The following ERGIC1 variants were observed in gnomAD, a reference collection of about 807,000 sequenced individuals.
ERGIC1 encodes the protein endoplasmic reticulum-Golgi intermediate compartment protein 1.
Under a neutral mutation model 38.3 loss-of-function variants are expected in ERGIC1, and 19 were observed. The observed-to-expected ratio is 0.50, with a 90% CI of 0.35 to 0.73. The LOEUF is 0.73. Among genes scored for constraint, ERGIC1 ranks in the 30% least tolerant of loss-of-function variants. The pLI, the probability that ERGIC1 is intolerant of heterozygous loss-of-function variation, is 0.01. For synonymous variants in ERGIC1, 124 were observed against 157.6 expected (o/e 0.79, Z 1.60); for missense variants, 294 against 389.2 (o/e 0.76, Z 2.06).
chr5:172,935,056 G>A, intron 8 of ERGIC1, 132 bp from the exon 9 acceptor site: 1 of 1,304,964 alleles, frequency 7.7e-7, no homozygotes, highest in Non-Finnish European at 1.1e-6. Context: ...AGGGAGTGGG[G>A]GAGTCTGGCT....
In ERGIC1 at chr5:172,896,953, G is replaced by A. The variant is rs368831062; in HGVS notation, c.83-49G>A. On this transcript the variant is annotated intron_variant, in intron 2 of 9. Coordinates refer to ENST00000393784, the MANE Select transcript of ERGIC1 (RefSeq NM_001031711.3). ...CTTCCCTCTAGGCTGGTCTCCCTTC[G>A]TCAGTGCCCACCACCCTTAACAGTT... 1.2e-3 allele frequency: 1,869 copies of A among 1,579,082 alleles called. 1 individual carries two copies. The highest frequency in any genetic ancestry group is 1.5e-3 in the Non-Finnish European group (1,689 of 1,148,778).
chr5:172,914,002 A>G (rs1763275901), intron 4 of ERGIC1, among the ~76,000 whole-genome samples: 1 of 152,160 alleles, frequency 6.6e-6, no homozygotes, highest in Non-Finnish European at 1.5e-5. Flanking sequence ...TGGGAGGCTG[A>G]GGCAGGTGGA....
At chr5:172,943,750 G>C (rs978435879) in intron 9 of ERGIC1, among the ~76,000 whole-genome samples, 8 of 152,184 alleles carry the variant, frequency 5.3e-5, no homozygotes, top group African/African-American at 1.9e-4. Flanking sequence ...CGCCTCCCAC[G>C]GCGGTGTGTA....
intron 9 of ERGIC1, among the ~76,000 whole-genome samples, chr5:172,941,006 C>T (rs780987535): frequency 1.3e-5 from 2 of 152,184 alleles, no homozygotes; most frequent in Non-Finnish European, 2.9e-5. Flanking sequence ...CAGCTGGGCG[C>T]GGTGGCTTAC....
intron 1 of ERGIC1, among the ~76,000 whole-genome samples, chr5:172,876,149 A>C (rs888194683): frequency 4.6e-5 from 7 of 152,182 alleles, no homozygotes; most frequent in Non-Finnish European, 1.0e-4. Context: ...CAGATGGATC[A>C]CTGCGTTCAG....
At chr5:172,921,291 C>T (rs947352811) in intron 5 of ERGIC1, among the ~76,000 whole-genome samples, 15 of 152,252 alleles carry the variant, frequency 9.9e-5, no homozygotes, top group African/African-American at 3.4e-4. Flanking sequence ...TATTGGGTCC[C>T]TGAAGCAGGC....
chr5:172,901,596 T>G (rs777372830), intron 3 of ERGIC1, among the ~76,000 whole-genome samples: 36 of 152,046 alleles, frequency 2.4e-4, no homozygotes, highest in Non-Finnish European at 7.4e-5. Flanking sequence ...TTATTTTTAT[T>G]TTTATTTTTT....
intron 5 of ERGIC1, chr5:172,915,197 T>G: frequency 1.6e-6 from 1 of 611,190 alleles, no homozygotes; most frequent in Non-Finnish European, 2.9e-6. Flanking sequence ...GAGGGTGTGA[T>G]GGCGATAATA....
At chr5:172,889,186 A>C (rs1319932128) in intron 2 of ERGIC1, among the ~76,000 whole-genome samples, 1 of 152,066 alleles carries the variant, frequency 6.6e-6, no homozygotes, top group African/African-American at 2.4e-5. Flanking sequence ...CGGGAGGCTG[A>C]GGCAGGAGAA....
intron 9 of ERGIC1, among the ~76,000 whole-genome samples, chr5:172,950,232 G>C (rs1372439683): frequency 6.6e-6 from 1 of 152,124 alleles, no homozygotes; most frequent in Non-Finnish European, 1.5e-5. Context: ...GTGACCTTGG[G>C]CCCCTGGGAC....
At chr5:172,843,503 C>A (rs992303380) in intron 1 of ERGIC1, among the ~76,000 whole-genome samples, 3 of 152,230 alleles carry the variant, frequency 2.0e-5, no homozygotes, top group Admixed American at 2.0e-4. Flanking sequence ...ATAGAATTAC[C>A]TAAAGTATCC....
intron 9 of ERGIC1, chr5:172,935,601 G>A: frequency 3.0e-6 from 1 of 330,464 alleles, no homozygotes; most frequent in East Asian, 4.8e-5. Context: ...AGATGTTTAG[G>A]ATTTTCTCCA....
At chr5:172,898,163 A>G (rs1762772174) in intron 3 of ERGIC1, 1 of 336,606 alleles carries the variant, frequency 3.0e-6, no homozygotes, top group Admixed American at 4.8e-5. Flanking sequence ...CTTTTTCACT[A>G]ATGGGATTTC....
chr5:172,909,697 C>G lies in ERGIC1; in HGVS notation c.186C>G (p.Asp62Glu), dbSNP rs1398374631. 2 of 1,614,110 alleles carry G rather than the reference C, an allele frequency of 1.2e-6. No individual in the cohort carries two copies. The highest frequency in any genetic ancestry group is 8.5e-7 in the Non-Finnish European group (1 of 1,180,046). ...VVNELYVDDP[D>E]KDSGGKIDVS... ...ACGAGCTCTATGTCGATGACCCAGA[C>G]AAGGACAGCGGTGGCAAGATCGACG... Residue 62 changes from aspartate to glutamate, a missense_variant, in exon 4 of 10, where the codon GAC becomes GAG. Asp to Glu is a conservative substitution (Grantham distance 45). Around this residue, in one of 3 missense-constraint regions of ERGIC1, gnomAD observed 163 missense variants for 225.8 expected, o/e 0.72. Transcript: ENST00000393784.
intron 4 of ERGIC1, among the ~76,000 whole-genome samples, chr5:172,911,759 C>T (rs1763213135): frequency 6.6e-6 from 1 of 152,156 alleles, no homozygotes. Context: ...ATCTCATATC[C>T]TGCTTTTAAA....
intron 2 of ERGIC1, among the ~76,000 whole-genome samples, chr5:172,893,905 A>ATATATATATATATCTGTG: frequency 6.4e-5 from 1 of 15,544 alleles, no homozygotes; most frequent in South Asian, 5.6e-3. Context: ...ATATATATAT[A>ATATATATATATATCTGTG]TGTGTGTGTG....
In ERGIC1 at chr5:172,938,273, C is replaced by G. The variant is rs371096973; in HGVS notation, c.765+2963C>G. Among the ~76,000 whole-genome samples, 50 of 152,330 alleles carry G rather than the reference C, an allele frequency of 3.3e-4. 2 individuals are homozygous for G. The highest frequency in any genetic ancestry group is 1.1e-3 in the African/African-American group (47 of 41,578). ...CCACGATAAGCCACACACAAAGATA[C>G]AAGTAGGTTCCCTGGTGCCTCCATG... On this transcript the variant is annotated intron_variant, in intron 9 of 9. Coordinates refer to ENST00000393784, the MANE Select transcript of ERGIC1 (RefSeq NM_001031711.3).
intron 5 of ERGIC1, chr5:172,920,683 G>A (rs775085954): frequency 2.6e-5 from 13 of 507,754 alleles, no homozygotes; most frequent in East Asian, 1.8e-4. Context: ...CGCACGGCCC[G>A]GCAGGGGTGG....
chr5:172,883,662 C>T (rs889301426), intron 1 of ERGIC1, among the ~76,000 whole-genome samples: 3 of 152,136 alleles, frequency 2.0e-5, no homozygotes, highest in Non-Finnish European at 2.9e-5. Flanking sequence ...TCCATGCTTC[C>T]GGTGCCCACT....
Sources: gnomAD v4.1 joint callset for allele counts (sites outside exome capture counted in the v4.1 genomes callset) on GRCh38, gnomAD v4.1.1 for gene constraint, gnomAD v4.1.1 regional missense constraint, MANE v1.5 for transcripts, NCBI Gene and HGNC (gene_info 2026-07-23, HGNC 2026-07-21) for gene names.